ANKFN1: variants seen among roughly 807,000 people sequenced by gnomAD.
ANKFN1 encodes the protein ankyrin repeat and fibronectin type-III domain-containing protein 1.
In ANKFN1, 74 loss-of-function variants were observed where a neutral mutation model predicts 108.7. The ratio of observed to expected loss-of-function variants is 0.68; its 90% CI spans 0.56 to 0.83. The LOEUF is 0.83. Ranked by LOEUF, ANKFN1 falls within the 40% of genes least tolerant of loss-of-function variation. The pLI is 0.00. For missense variants in ANKFN1, 1,505 were observed against 1,382.3 expected (o/e 1.09, Z -1.41); for synonymous variants, 547 against 516.2 (o/e 1.06, Z -0.81).
intron 8 of ANKFN1, among the ~76,000 whole-genome samples, chr17:56,382,043 C>T (rs1404022106): frequency 2.6e-5 from 4 of 152,124 alleles, no homozygotes; most frequent in Non-Finnish European, 5.9e-5. Flanking sequence ...AGAGAAAGGT[C>T]GGGTTACCCA....
intron 3 of ANKFN1, among the ~76,000 whole-genome samples, chr17:56,239,140 A>C (rs948975853): frequency 6.6e-6 from 1 of 152,146 alleles, no homozygotes; most frequent in Non-Finnish European, 1.5e-5. Context: ...TCACAAGTTA[A>C]AGAGAATGGG....
chr17:56,298,213 T>C (rs976545236), intron 3 of ANKFN1, among the ~76,000 whole-genome samples: 9 of 152,190 alleles, frequency 5.9e-5, no homozygotes, highest in African/African-American at 2.2e-4. Flanking sequence ...GGAAAATACA[T>C]ACATATGGAA....
rs919241119 is a variant in ANKFN1 at position 56,440,321 on chromosome 17, C to T, written c.911-6C>T. The T allele has an allele frequency of 3.2e-6, 5 of 1,581,512 alleles. No individual in the cohort carries two copies. In the African/African-American group the frequency reaches 6.7e-5, roughly 21 times the overall value. Reference sequence around the variant, plus strand: ...CTCTCTCTCCCTGCCCCCCTACTCCCTCCAGTGGAATGGAGTATGTCCGAA... The same window carrying T: ...CTCTCTCTCCCTGCCCCCCTACTCCTTCCAGTGGAATGGAGTATGTCCGAA... On this transcript the variant is annotated splice_region_variant and splice_polypyrimidine_tract_variant and intron_variant, in intron 8 of 20. Transcript: ENST00000682825.
At chr17:56,379,942 C>A (rs1778625631) in intron 8 of ANKFN1, among the ~76,000 whole-genome samples, 1 of 152,194 alleles carries the variant, frequency 6.6e-6, no homozygotes, top group South Asian at 2.1e-4. Flanking sequence ...GCAAGTTCCT[C>A]CCCATTAAAA....
intron 3 of ANKFN1, among the ~76,000 whole-genome samples, chr17:56,231,656 G>C (rs554815749): frequency 3.4e-4 from 52 of 152,270 alleles, no homozygotes; most frequent in Non-Finnish European, 5.4e-4. Context: ...CATGCACAAA[G>C]GCCACGTATT....
intron 14 of ANKFN1, 114 bp from the exon 15 acceptor site, chr17:56,466,240 AAG>A (rs2050068848): frequency 5.3e-6 from 5 of 951,624 alleles, no homozygotes; most frequent in Non-Finnish European, 6.3e-6. Context: ...AAAAAAAAAA[AAG>A]AGAGCAAACA....
At chr17:56,337,293 C>T (rs954809864) in intron 4 of ANKFN1, among the ~76,000 whole-genome samples, 3 of 152,010 alleles carry the variant, frequency 2.0e-5, no homozygotes, top group Non-Finnish European at 4.4e-5. Flanking sequence ...TCTGTCTCGT[C>T]GATCTGTCTA....
At chr17:56,282,109 T>C (rs1479524543) in intron 3 of ANKFN1, among the ~76,000 whole-genome samples, 1 of 152,192 alleles carries the variant, frequency 6.6e-6, no homozygotes, top group African/African-American at 2.4e-5. Context: ...GATATAAGGA[T>C]AAATAAATTT....
At chr17:56,498,084 T>C (rs1304506980) in intron 19 of ANKFN1, among the ~76,000 whole-genome samples, 1 of 152,110 alleles carries the variant, frequency 6.6e-6, no homozygotes, top group Non-Finnish European at 1.5e-5. Flanking sequence ...ATCATTAAAA[T>C]GACTTTGATA....
intron 3 of ANKFN1, among the ~76,000 whole-genome samples, chr17:56,286,088 T>C (rs989280934): frequency 6.6e-6 from 1 of 152,166 alleles, no homozygotes; most frequent in East Asian, 1.9e-4. Context: ...GTTAACTATT[T>C]TCTGGTGGTC....
chr17:56,105,061 A>G (rs1905718999), intron 4 of ANKFN1, among the ~76,000 whole-genome samples: 1 of 152,228 alleles, frequency 6.6e-6, no homozygotes. Context: ...AATAGAGCAT[A>G]TAATGGGTGT....
intron 4 of ANKFN1, among the ~76,000 whole-genome samples, chr17:56,064,819 G>A (rs1189550348): frequency 6.6e-6 from 1 of 152,212 alleles, no homozygotes; most frequent in Non-Finnish European, 1.5e-5. Flanking sequence ...GACTCTGTGC[G>A]GCTCCAGGGT....
chr17:56,261,929 T>C (rs772330973), intron 3 of ANKFN1, among the ~76,000 whole-genome samples: 29 of 152,172 alleles, frequency 1.9e-4, no homozygotes, highest in Middle Eastern at 3.4e-3. Context: ...GTTGGGAATA[T>C]CTCATAGAGA....
intron 6 of ANKFN1, among the ~76,000 whole-genome samples, chr17:56,371,022 A>T (rs993658211): frequency 6.6e-6 from 1 of 151,532 alleles, no homozygotes; most frequent in African/African-American, 2.4e-5. Context: ...TTATATTATC[A>T]TTTATTCTGG....
chr17:56,254,001 A>G (rs746386234), intron 3 of ANKFN1: 1 of 152,206 alleles, frequency 6.6e-6, no homozygotes, highest in Non-Finnish European at 1.5e-5. Flanking sequence ...TGGAACATTC[A>G]AGGTTATAAA....
At chr17:56,225,272 G>T (rs962198215) in intron 2 of ANKFN1, among the ~76,000 whole-genome samples, 2 of 152,044 alleles carry the variant, frequency 1.3e-5, no homozygotes, top group Non-Finnish European at 2.9e-5. Context: ...TCTCCCTAGG[G>T]TTATTATGAG....
At chr17:56,444,154 T>A (rs2049205231) in intron 10 of ANKFN1, among the ~76,000 whole-genome samples, 2 of 152,216 alleles carry the variant, frequency 1.3e-5, no homozygotes, top group Non-Finnish European at 2.9e-5. Flanking sequence ...GATATATCTA[T>A]CTTTATATCA....
intron 3 of ANKFN1, among the ~76,000 whole-genome samples, chr17:56,277,815 G>C (rs1381968596): frequency 1.3e-5 from 2 of 152,148 alleles, no homozygotes; most frequent in African/African-American, 4.8e-5. Flanking sequence ...CTGAAAGCTA[G>C]CAGTATAGGT....
intron 14 of ANKFN1, among the ~76,000 whole-genome samples, chr17:56,460,312 A>T (rs2049857308): frequency 6.6e-6 from 1 of 151,994 alleles, no homozygotes; most frequent in Non-Finnish European, 1.5e-5. Flanking sequence ...AATTAGCTGG[A>T]TGTGGTGGTG....
Sources: allele counts gnomAD v4.1 joint callset (sites outside exome capture counted in the v4.1 genomes callset), GRCh38; gene constraint gnomAD v4.1.1; transcripts MANE v1.5; gene names NCBI Gene and HGNC (gene_info 2026-07-23, HGNC 2026-07-21).